The following TENM2 variants were observed in gnomAD, a reference collection of about 807,000 sequenced individuals.
The protein encoded by TENM2 is teneurin-2.
In TENM2, 52 loss-of-function variants were observed where a neutral mutation model predicts 245.2. The ratio of observed to expected loss-of-function variants is 0.21; its 90% confidence interval spans 0.17 to 0.27. The LOEUF is 0.27. TENM2 is among the 10% of genes least tolerant of loss of function. The pLI, the probability that TENM2 is intolerant of heterozygous loss-of-function variation, is 1.00. For missense variants in TENM2, 3,046 were observed against 3,666.8 expected (o/e 0.83, Z 4.37); for synonymous variants, 1,363 against 1,438.9 (o/e 0.95, Z 1.19).
the TENM2 span, among the ~76,000 whole-genome samples, chr5:167,195,848 C>G: frequency 6.8e-5 from 9 of 131,670 alleles, no homozygotes; most frequent in African/African-American, 2.5e-4. Flanking sequence ...TTTCCACAGT[C>G]TGATCTACAC....
intron 3 of TENM2, among the ~76,000 whole-genome samples, chr5:167,901,174 T>TTTTCTC (rs963933811): frequency 4.0e-5 from 6 of 151,864 alleles, no homozygotes; most frequent in Admixed American, 3.3e-4. Context: ...TATAACTTCC[T>TTTTCTC]TTTCTCTTTC....
chr5:166,981,272 G>T, the TENM2 span, among the ~76,000 whole-genome samples: 1 of 145,498 alleles, frequency 6.9e-6, no homozygotes, highest in South Asian at 2.2e-4. Flanking sequence ...CTTATTCATG[G>T]GTCCCTTGAG....
chr5:167,186,946 A>T, the TENM2 span, among the ~76,000 whole-genome samples: 2 of 152,158 alleles, frequency 1.3e-5, no homozygotes, highest in Non-Finnish European at 2.9e-5. Context: ...AACTCACCTT[A>T]TGTCTTCTGC....
chr5:167,268,056 T>C, the TENM2 span, among the ~76,000 whole-genome samples: 2 of 152,152 alleles, frequency 1.3e-5, no homozygotes, highest in African/African-American at 4.8e-5. Context: ...TGTATTCTTC[T>C]GGAACTTAAA....
chr5:167,959,218 G>A (rs534545081), intron 4 of TENM2, among the ~76,000 whole-genome samples: 36 of 139,120 alleles, frequency 2.6e-4, no homozygotes, highest in African/African-American at 8.5e-4. Context: ...TTTTTGAGAT[G>A]GAGTCTCGCT....
chr5:167,049,125 G>A, the TENM2 span, among the ~76,000 whole-genome samples: 2 of 152,118 alleles, frequency 1.3e-5, no homozygotes, highest in Admixed American at 1.3e-4. Flanking sequence ...AAGCTATAGG[G>A]CTATCATGCG....
chr5:168,043,188 T>A (rs1219156774), intron 5 of TENM2, among the ~76,000 whole-genome samples: 1 of 151,930 alleles, frequency 6.6e-6, no homozygotes, highest in Admixed American at 6.6e-5. Context: ...TTATTTGAAA[T>A]CTTGAGATGA....
chr5:167,894,617 C>T (rs2151479433), intron 3 of TENM2, among the ~76,000 whole-genome samples: 1 of 152,266 alleles, frequency 6.6e-6, no homozygotes, highest in South Asian at 2.1e-4. Flanking sequence ...TTGGATACCC[C>T]TGCCCCATCC....
the TENM2 span, among the ~76,000 whole-genome samples, chr5:167,224,411 A>G: frequency 6.6e-6 from 1 of 151,892 alleles, no homozygotes; most frequent in Non-Finnish European, 1.5e-5. Flanking sequence ...GCATATGATT[A>G]TTGAGTTTCC....
chr5:167,981,029 C>T lies in TENM2; in HGVS notation c.948-11915C>T, dbSNP rs888648919. ...ATTGGCCTTCAGCAGAAGAGATCCA[C>T]GTCTTCCAAGGACCTTTCTCTGGGA... On this transcript the variant is annotated intron_variant, in intron 4 of 28. Coordinates refer to ENST00000518659, the Ensembl canonical transcript of TENM2. Among the ~76,000 whole-genome samples, 6 of 152,188 alleles carry T rather than the reference C, an allele frequency of 3.9e-5. No homozygotes were observed. In the East Asian group the frequency reaches 5.8e-4, roughly 15 times the overall value.
chr5:167,393,409 A>G (rs1239521417), intron 2 of TENM2, among the ~76,000 whole-genome samples: 2 of 152,180 alleles, frequency 1.3e-5, no homozygotes, highest in African/African-American at 2.4e-5. Flanking sequence ...AACCTCAAGG[A>G]ACAGAGAAAC....
chr5:168,067,924 T>TA (rs891442763), intron 7 of TENM2, among the ~76,000 whole-genome samples: 2 of 152,166 alleles, frequency 1.3e-5, no homozygotes, highest in Admixed American at 1.3e-4. Flanking sequence ...GGAAGCCAGA[T>TA]CTTTACAGGC....
intron 2 of TENM2, among the ~76,000 whole-genome samples, chr5:167,433,658 T>G (rs537935556): frequency 6.6e-6 from 1 of 152,212 alleles, no homozygotes; most frequent in South Asian, 2.1e-4. Context: ...ACTATTGGTA[T>G]CGTCCTATCA....
chr5:168,012,668 A>G (rs1245035762), intron 5 of TENM2, among the ~76,000 whole-genome samples: 3 of 151,010 alleles, frequency 2.0e-5, no homozygotes, highest in Non-Finnish European at 1.5e-5. Context: ...AAACAAAAAA[A>G]AAAACTGAAG....
intron 2 of TENM2, among the ~76,000 whole-genome samples, chr5:167,486,044 G>C (rs567593781): frequency 6.6e-6 from 1 of 151,842 alleles, no homozygotes; most frequent in East Asian, 1.9e-4. Context: ...AGTCTTTTCT[G>C]TAAGGTATTC....
At chr5:167,309,260 T>C (rs1755873723) in intron 1 of TENM2, among the ~76,000 whole-genome samples, 2 of 152,270 alleles carry the variant, frequency 1.3e-5, no homozygotes, top group South Asian at 2.1e-4. Flanking sequence ...CTGACCCCAC[T>C]GGGTTGATAC....
intron 2 of TENM2, among the ~76,000 whole-genome samples, chr5:167,609,699 T>C (rs1777341861): frequency 6.6e-6 from 1 of 152,054 alleles, no homozygotes; most frequent in Admixed American, 6.6e-5. Flanking sequence ...TTGCTATACT[T>C]TATTCTATCT....
At chr5:168,008,322 G>A (rs1287338861) in intron 5 of TENM2, among the ~76,000 whole-genome samples, 3 of 152,172 alleles carry the variant, frequency 2.0e-5, no homozygotes, top group African/African-American at 7.2e-5. Flanking sequence ...AAAAACAGTG[G>A]AGCAAGACCA....
chr5:167,890,461 C>G (rs1774657488), intron 3 of TENM2, among the ~76,000 whole-genome samples: 1 of 152,198 alleles, frequency 6.6e-6, no homozygotes, highest in Admixed American at 6.5e-5. Context: ...TTGCAAACAT[C>G]TGACCCTTGG....
Sources: allele counts gnomAD v4.1 joint callset (sites outside exome capture counted in the v4.1 genomes callset), GRCh38; gene constraint gnomAD v4.1.1; transcripts MANE v1.5; gene names NCBI Gene and HGNC (gene_info 2026-07-23, HGNC 2026-07-21).